Variants in SLC25A48 observed in about 807,000 individuals in gnomAD.
SLC25A48 encodes the protein solute carrier family 25 member 48.
Under a neutral mutation model 32.2 loss-of-function variants are expected in SLC25A48, and 29 were observed. The observed-to-expected ratio is 0.90, with a 90% CI of 0.67 to 1.23. SLC25A48 has a LOEUF of 1.23. Ranked by LOEUF, SLC25A48 falls within the 50% of genes most tolerant of loss-of-function variation. SLC25A48 has a pLI of 0.00. For missense variants in SLC25A48, 399 were observed against 422.7 expected (o/e 0.94, Z 0.49); for synonymous variants, 164 against 172.3 (o/e 0.95, Z 0.38).
intron 1 of SLC25A48, among the ~76,000 whole-genome samples, chr5:135,591,583 T>C (rs1561748720): frequency 6.6e-6 from 1 of 152,220 alleles, no homozygotes. Flanking sequence ...CAGCGCTTGC[T>C]CCAGCCTACG....
intron 1 of SLC25A48, among the ~76,000 whole-genome samples, chr5:135,604,877 C>T (rs1257518057): frequency 6.6e-6 from 1 of 152,206 alleles, no homozygotes; most frequent in Non-Finnish European, 1.5e-5. Context: ...CACTTGCCTG[C>T]TCTGTGGTCC....
chr5:135,785,320 C>T (rs1178111620), intron 3 of SLC25A48, among the ~76,000 whole-genome samples: 1 of 151,758 alleles, frequency 6.6e-6, no homozygotes, highest in African/African-American at 2.4e-5. Context: ...TCGTAATCTC[C>T]AGGGAGGGAG....
chr5:135,853,275 G>A (rs1760042574), intron 4 of SLC25A48, among the ~76,000 whole-genome samples: 1 of 152,134 alleles, frequency 6.6e-6, no homozygotes. Context: ...GGTGGGCTGT[G>A]GCAATTTCTT....
chr5:135,581,420 A>G (rs569477117), intron 1 of SLC25A48, among the ~76,000 whole-genome samples: 2 of 152,388 alleles, frequency 1.3e-5, no homozygotes, highest in South Asian at 2.1e-4. Flanking sequence ...AAGACTTTTC[A>G]TAGAAATTGC....
At chr5:135,593,435 T>C (rs929892080) in intron 1 of SLC25A48, among the ~76,000 whole-genome samples, 4 of 152,320 alleles carry the variant, frequency 2.6e-5, no homozygotes, top group Middle Eastern at 3.4e-3. Flanking sequence ...ATTTCGTGTT[T>C]CTAGCCTCTG....
intron 1 of SLC25A48, among the ~76,000 whole-genome samples, chr5:135,841,984 C>T (rs1016035245): frequency 1.3e-5 from 2 of 152,148 alleles, no homozygotes; most frequent in Non-Finnish European, 2.9e-5. Context: ...TCCTTCACTC[C>T]TTCGGTTGGT....
chr5:135,855,408 A>C (rs1760229749), intron 4 of SLC25A48, among the ~76,000 whole-genome samples: 1 of 152,142 alleles, frequency 6.6e-6, no homozygotes, highest in African/African-American at 2.4e-5. Flanking sequence ...ACTCTCTAGG[A>C]CCTTTGCATA....
At chr5:135,743,356 G>A (rs892480397) in intron 3 of SLC25A48, among the ~76,000 whole-genome samples, 6 of 151,862 alleles carry the variant, frequency 4.0e-5, no homozygotes, top group Non-Finnish European at 8.8e-5. Flanking sequence ...AAAGGCATGA[G>A]CCACTACGCT....
At chr5:135,835,106 G>A (rs780401795) in intron 1 of SLC25A48, 10 of 715,756 alleles carry the variant, frequency 1.4e-5, no homozygotes, top group Non-Finnish European at 2.3e-5. Flanking sequence ...TTCGGGCTGA[G>A]CTTCTGATTT....
chr5:135,861,214 A>G (rs924693109), intron 4 of SLC25A48, among the ~76,000 whole-genome samples: 1 of 152,220 alleles, frequency 6.6e-6, no homozygotes, highest in Non-Finnish European at 1.5e-5. Flanking sequence ...CAGCATTATA[A>G]TAGAAACACT....
At chr5:135,682,895 A>G (rs1753930279) in intron 3 of SLC25A48, among the ~76,000 whole-genome samples, 1 of 152,206 alleles carries the variant, frequency 6.6e-6, no homozygotes, top group Middle Eastern at 3.2e-3. Context: ...GAGGCACAAC[A>G]TATCTTTATT....
intron 4 of SLC25A48, 71 bp downstream of exon 4, chr5:135,852,892 C>T: frequency 6.6e-7 from 1 of 1,519,764 alleles, no homozygotes. Flanking sequence ...GGATCTGGGA[C>T]ATGGTTGTTA....
At chr5:135,600,056 C>G (rs1751757783) in intron 1 of SLC25A48, among the ~76,000 whole-genome samples, 2 of 152,206 alleles carry the variant, frequency 1.3e-5, no homozygotes, top group African/African-American at 4.8e-5. Flanking sequence ...TCACTCATCA[C>G]TTTTGCTGTG....
At chr5:135,619,392 C>T (rs916343713) in intron 1 of SLC25A48, among the ~76,000 whole-genome samples, 2 of 152,014 alleles carry the variant, frequency 1.3e-5, no homozygotes, top group Non-Finnish European at 2.9e-5. Context: ...TGGTAAATTT[C>T]TCTTTCATAC....
At chr5:135,692,798 T>C (rs956704644) in intron 3 of SLC25A48, among the ~76,000 whole-genome samples, 4 of 152,242 alleles carry the variant, frequency 2.6e-5, no homozygotes, top group African/African-American at 9.6e-5. Flanking sequence ...TAAAATAGAA[T>C]GTGGCTGCTA....
chr5:135,642,802 GA>G (rs1418757251), intron 3 of SLC25A48, among the ~76,000 whole-genome samples: 1 of 152,202 alleles, frequency 6.6e-6, no homozygotes, highest in Non-Finnish European at 1.5e-5. Flanking sequence ...AACTGAGGAT[GA>G]GATGAAAATG....
At chr5:135,831,278 C>G (rs867695317), upstream of SLC25A48, among the ~76,000 whole-genome samples, 1 of 152,242 alleles carries the variant, frequency 6.6e-6, no homozygotes, top group Non-Finnish European at 1.5e-5. Flanking sequence ...TGCCAGCCAC[C>G]AGCAGGACCT....
upstream of SLC25A48, among the ~76,000 whole-genome samples, chr5:135,831,860 C>A (rs1758219260): frequency 6.6e-6 from 1 of 152,180 alleles, no homozygotes; most frequent in South Asian, 2.1e-4. Context: ...GCAGAGGGAC[C>A]CAGGAACCCG....
chr5:135,806,579 T>C (rs1252509093), intron 3 of SLC25A48, among the ~76,000 whole-genome samples: 2 of 150,926 alleles, frequency 1.3e-5, no homozygotes, highest in African/African-American at 4.9e-5. Context: ...ATGTTATAAA[T>C]ATCATTGATT....
Sources: gnomAD v4.1 joint callset for allele counts (sites outside exome capture counted in the v4.1 genomes callset) on GRCh38, gnomAD v4.1.1 for gene constraint, MANE v1.5 for transcripts, NCBI Gene and HGNC (gene_info 2026-07-23, HGNC 2026-07-21) for gene names.